The following DAXX variants were observed in gnomAD, a reference collection of about 807,000 sequenced individuals.
DAXX encodes the protein death domain associated protein.
DAXX carries 24 observed loss-of-function variants against 61.9 expected under a neutral mutation model. The ratio of observed to expected loss-of-function variants is 0.39; its 90% CI spans 0.28 to 0.55. The LOEUF is 0.55. Ranked by LOEUF, DAXX falls within the 20% of genes least tolerant of loss-of-function variation. The pLI is 0.69. For missense variants in DAXX, 819 were observed against 935.3 expected, an observed-to-expected ratio of 0.88 and a Z score of 1.62; for synonymous variants, 357 against 369.5, an observed-to-expected ratio of 0.97 and a Z score of 0.39.
chr6:33,322,146 AAG>A, intron 1 of DAXX, 169 bp from the exon 2 acceptor site: 3 of 388,168 alleles, frequency 7.7e-6, no homozygotes, highest in Non-Finnish European at 1.3e-5. Flanking sequence ...GGGGCCCTTC[AAG>A]TGGTGTGGGG....
At chr6:33,322,154 T>TTGG (rs1554283445) in intron 1 of DAXX, 177 bp from the exon 2 acceptor site, 11 of 326,532 alleles carry the variant, frequency 3.4e-5, no homozygotes, top group Admixed American at 1.5e-4. Context: ...TCAAGTGGTG[T>TTGG]GGGGGGGGGG....
Position 33,319,648 on chromosome 6 carries a change from C to G in DAXX, c.1672G>C (p.Glu558Gln), listed in dbSNP as rs752770741. 12 of 1,614,024 alleles carry G rather than the reference C, an allele frequency of 7.4e-6. No homozygotes were observed. In the Admixed American group the frequency reaches 2.0e-4, roughly 27 times the overall value. ...AGCTGAGACACAGGGCTTTCTTCCT[C>G]CAGGGTCAGCTCCTCAGGCTGTTCT... ...NGEQPEELTL[E>Q]EESPVSQLFE... The change falls in exon 6 of 8, where the codon GAG (glutamate) becomes CAG (glutamine). Residue 558 changes from glutamate to glutamine, a missense_variant. Transcript: ENST00000374542.
In DAXX at chr6:33,321,086, C is replaced by T. The variant is rs201985154; in HGVS notation, c.689G>A (p.Arg230His). The T allele has an allele frequency of 5.0e-6, 8 of 1,612,750 alleles. No individual in the cohort carries two copies. Among genetic ancestry groups the T allele is most frequent in the East Asian group, 4.5e-5 (2 of 44,892 alleles). ...TCGCCCAAAGAGGCGGATCAGCTTA[C>T]GCTTCAACCGTGCCTCCTGCAGGTA... ...SAYLQEARLK[R>H]KLIRLFGRLC... The change falls in exon 3 of 8, where the codon CGT becomes CAT. Residue 230 changes from arginine (R) to histidine (H), a missense_variant. By Grantham distance (29) the Arg-to-His change is conservative (BLOSUM62 0). Transcript: ENST00000374542. This position sits in a 1 kb window ranked among gnomAD's most constrained non-coding sequence, Gnocchi z 7.2.
chr6:33,320,038 CCTCTT>C lies in DAXX; in HGVS notation c.1433_1437del (p.Glu478GlyfsTer11). ...GCTGCTGCTTCTTCCTCTTCGTCCT[CCTCTT>C]CATCATCCTCCTGACCCTCCTGCAT... On this transcript the variant is annotated frameshift_variant, in exon 5 of 8. Transcript: ENST00000374542. LOFTEE classifies it high-confidence loss of function. This position sits in a 1 kb window ranked among gnomAD's most constrained non-coding sequence, Gnocchi z 7.1. 1 of 1,613,546 alleles carries C rather than the reference CCTCTT, an allele frequency of 6.2e-7. No individual in the cohort carries two copies. The highest frequency in any genetic ancestry group is 8.5e-7 in the Non-Finnish European group (1 of 1,179,704).
In DAXX at chr6:33,320,540, T is replaced by C. The variant is rs1770453072; in HGVS notation, c.1091A>G (p.Asn364Ser). 1.2e-6 allele frequency: 2 copies of C among 1,613,988 alleles called. No individual in the cohort carries two copies. ...DPVLARRLRE[N>S]RSLAMSRLDE... ...CAGCCGACTCATGGCCAAACTCCGG[T>C]TTTCCCGAAGGCGCCGGGCCAACAC... Residue 364 changes from asparagine to serine, a missense_variant, in exon 4 of 8, where the codon AAC becomes AGC. Transcript: ENST00000374542. This position sits in a 1 kb window ranked among gnomAD's most constrained non-coding sequence, Gnocchi z 7.1.
Position 33,321,688 on chromosome 6 carries a change from G to C in DAXX, c.207+31C>G. 6.2e-7 allele frequency: 1 copy of C among 1,609,744 alleles called. No individual in the cohort carries two copies. The highest frequency in any genetic ancestry group is 1.1e-5 in the South Asian group (1 of 91,002). On this transcript the variant is annotated intron_variant, in intron 2 of 7. Transcript: ENST00000374542. The surrounding 1 kb of genome is among the most constrained non-coding windows in gnomAD (Gnocchi z 7.2). The stretch of plus-strand genomic sequence containing the variant: ...AACCAGTCAGCCATCCCCCTCCCTG[G>C]GGTACAACAATCTTCCCCGCTAAAG...
intron 7 of DAXX, 66 bp downstream of exon 7, chr6:33,318,931 A>T: frequency 7.0e-7 from 1 of 1,436,244 alleles, no homozygotes; most frequent in Non-Finnish European, 9.8e-7. Context: ...ATATTCAGAC[A>T]GAGCAGCTGA....
At position 33,319,012 on chromosome 6, in the gene DAXX, C is replaced by A; in HGVS notation, c.2148G>T (p.Arg716=). ...LSQTPHSQPP[R]PGTCKTSVAT... ...CCCTTCTTACCTTGCAAGTACCAGG[C>A]CGAGGAGGCTGTGAATGGGGGGTTT... The change falls in exon 7 of 8, where the codon CGG becomes CGT. Residue 716 remains arginine, a synonymous_variant. Coordinates refer to ENST00000374542, the MANE Select transcript of DAXX (RefSeq NM_001141969.2). 2 of 1,613,086 alleles carry A rather than the reference C, an allele frequency of 1.2e-6. No homozygotes were observed. Among genetic ancestry groups the A allele is most frequent in the East Asian group, 4.5e-5 (2 of 44,884 alleles).
chr6:33,321,837 T>G lies in DAXX; in HGVS notation c.89A>C (p.Asn30Thr), dbSNP rs959834151. The G allele has an allele frequency of 6.2e-7, 1 of 1,609,912 alleles. No individual in the cohort carries two copies. The highest frequency in any genetic ancestry group is 8.5e-7 in the Non-Finnish European group (1 of 1,176,748). ...AQPGPSHPLP[N>T]AASPGAEAPS... is the part of the protein sequence containing the mutation. ...GGCTTCTGCCCCAGGTGAGGCCGCA[T>G]TGGGGAGTGGGTGGGAGGGCCCTGG... Residue 30 changes from asparagine to threonine, a missense_variant, in exon 2 of 8, where the codon AAT becomes ACT. Asn to Thr is a moderately conservative substitution (Grantham distance 65). Coordinates refer to ENST00000374542, the MANE Select transcript of DAXX (RefSeq NM_001141969.2). This position sits in a 1 kb window ranked among gnomAD's most constrained non-coding sequence, Gnocchi z 7.2.
At chr6:33,319,292 C>A in intron 6 of DAXX, 73 bp from the exon 7 acceptor site, 1 of 1,559,834 alleles carries the variant, frequency 6.4e-7, no homozygotes, top group Non-Finnish European at 8.7e-7. Context: ...CCAGTCTCTC[C>A]CAGCAGACTC....
chr6:33,319,755 T>A lies in DAXX; in HGVS notation c.1565A>T (p.Gln522Leu), dbSNP rs761486064. The A allele has an allele frequency of 6.2e-7, 1 of 1,614,106 alleles. No individual in the cohort carries two copies. The highest frequency in any genetic ancestry group is 2.2e-5 in the East Asian group (1 of 44,902). ...KQISRSSGEQ[Q>L]NKGRIVSPSL... ...TGGTGACACTATGCGTCCTTTGTTTTGCTGCTCCCCTGAAGATCTGCTGAT... is the reference window on the plus strand; with the variant it reads ...TGGTGACACTATGCGTCCTTTGTTTAGCTGCTCCCCTGAAGATCTGCTGAT... The change falls in exon 6 of 8, where the codon CAA becomes CTA. Residue 522 changes from glutamine (Q) to leucine (L), a missense_variant. Gln to Leu is a moderately radical substitution (Grantham distance 113). Transcript: ENST00000374542.
chr6:33,321,680 C>T lies in DAXX; in HGVS notation c.207+39G>A. On this transcript the variant is annotated intron_variant, in intron 2 of 7. Coordinates refer to ENST00000374542, the MANE Select transcript of DAXX (RefSeq NM_001141969.2). The surrounding 1 kb of genome is among the most constrained non-coding windows in gnomAD (Gnocchi z 7.2). ...GACAGGAGAACCAGTCAGCCATCCC[C>T]CTCCCTGGGGTACAACAATCTTCCC... The T allele has an allele frequency of 1.9e-6, 3 of 1,604,650 alleles. No individual in the cohort carries two copies. Among genetic ancestry groups the T allele is most frequent in the African/African-American group, 1.3e-5 (1 of 74,866 alleles).
Position 33,321,232 on chromosome 6 carries a change from G to A in DAXX, c.543C>T (p.Thr181=), listed in dbSNP as rs1183282026. 1.2e-6 allele frequency: 2 copies of A among 1,612,522 alleles called. No individual in the cohort carries two copies. The highest frequency in any genetic ancestry group is 2.2e-5 in the East Asian group (1 of 44,886). ...GCTGGATCTGCCGCCGGGAACCACG[G>A]GTCCTTGGAGACTGAGAGGCAGTGT... ...AENTASQSPR[T]RGSRRQIQRL... is the part of the protein sequence containing the mutation. Residue 181 remains threonine, a synonymous_variant, in exon 3 of 8, where the codon ACC becomes ACT. Transcript: ENST00000374542. The surrounding 1 kb of genome is among the most constrained non-coding windows in gnomAD (Gnocchi z 7.2).
intron 7 of DAXX, 64 bp downstream of exon 7, chr6:33,318,933 A>G: frequency 6.9e-7 from 1 of 1,445,222 alleles, no homozygotes; most frequent in Non-Finnish European, 9.7e-7. Context: ...ATTCAGACAG[A>G]GCAGCTGAAA....
rs769115128 is a variant in DAXX at position 33,322,931 on chromosome 6, C to T, written c.-122G>A. 8 of 1,409,030 alleles carry T rather than the reference C, an allele frequency of 5.7e-6. No homozygotes were observed. Among genetic ancestry groups the T allele is most frequent in the South Asian group, 4.6e-5 (4 of 87,894 alleles). 87.3% of individuals were successfully genotyped at this position (1,409,030 alleles called of 1,614,324 possible). On this transcript the variant is annotated 5_prime_UTR_variant, in exon 1 of 8. Transcript: ENST00000374542. ...ACCTCGCATGGTTCCCTCCGCCTTC[C>T]TTCCCACTCCCACCGCAGGCCCCAC...
chr6:33,319,255 G>A (rs1174593715), intron 6 of DAXX, 36 bp from the exon 7 acceptor site: 2 of 1,571,078 alleles, frequency 1.3e-6, no homozygotes, highest in Non-Finnish European at 1.7e-6. Flanking sequence ...GAGGGGTACG[G>A]GAAGACTGAG....
rs34281918 is a variant in DAXX at position 33,318,611 on chromosome 6, C to CT, written c.*131dup. ...TTAATGTTTCTGTGTAAAACTTAAG[C>CT]TTTTTTTTTTTTTTAAAGAAACACC... On this transcript the variant is annotated 3_prime_UTR_variant, in exon 8 of 8. Transcript: ENST00000374542. 0.25 allele frequency: 100,814 copies of CT among 396,884 alleles called. 7,785 individuals are homozygous for CT. The highest frequency in any genetic ancestry group is 0.49 in the African/African-American group (22,946 of 46,782). 24.6% of individuals were successfully genotyped at this position (396,884 alleles called of 1,614,324 possible).
Position 33,321,728 on chromosome 6 carries a change from C to G in DAXX, c.198G>C (p.Leu66=), listed in dbSNP as rs1296581979. 1.2e-6 allele frequency: 2 copies of G among 1,613,350 alleles called. No homozygotes were observed. The highest frequency in any genetic ancestry group is 1.7e-6 in the Non-Finnish European group (2 of 1,179,920). The change falls in exon 2 of 8, where the codon CTG becomes CTC. Residue 66 remains leucine (L), a synonymous_variant. Transcript: ENST00000374542. This position sits in a 1 kb window ranked among gnomAD's most constrained non-coding sequence, Gnocchi z 7.2. The stretch of plus-strand genomic sequence containing the variant: ...CCCCGCTAAAGCTCACCTCTTCGAA[C>G]AGCTTCTCATTCTCCAGCTTGTAGC... The part of the protein sequence containing the change: ...KKCYKLENEK[L]FEEFLELCKM...
chr6:33,322,157 G>GGA, intron 1 of DAXX, 180 bp from the exon 2 acceptor site: 1 of 463,170 alleles, frequency 2.2e-6, no homozygotes, highest in South Asian at 4.3e-5. Context: ...AGTGGTGTGG[G>GGA]GGGGGGGCAA....
Sources: allele counts gnomAD v4.1 joint callset, GRCh38; gene constraint gnomAD v4.1.1; non-coding constraint Gnocchi (gnomAD v3.1); transcripts MANE v1.5; gene names NCBI Gene and HGNC (gene_info 2026-07-23, HGNC 2026-07-21).